Variants in SHROOM2 observed in about 807,000 individuals in gnomAD.
The protein encoded by SHROOM2 is shroom family member 2, also known as protein Shroom2.
In SHROOM2, 33 loss-of-function variants were observed where a neutral mutation model predicts 75.9. The ratio of observed to expected loss-of-function variants is 0.43; its 90% CI spans 0.33 to 0.58. The LOEUF (loss-of-function observed/expected upper bound fraction) is 0.58, where lower values mean the gene tolerates loss of function less well. Among genes scored for constraint, SHROOM2 ranks in the 20% least tolerant of loss-of-function variants. The pLI, the probability that SHROOM2 is intolerant of heterozygous loss-of-function variation, is 0.04. For missense variants in SHROOM2, 1,434 were observed against 1,461.2 expected (o/e 0.98, Z 0.30); for synonymous variants, 655 against 663.6 (o/e 0.99, Z 0.20).
intron 5 of SHROOM2, among the ~76,000 whole-genome samples, chrX:9,924,964 T>A (rs1172031517): frequency 1.8e-5 from 2 of 111,236 alleles, no homozygotes; most frequent in Non-Finnish European, 3.8e-5. Flanking sequence ...CCTGGTAAAT[T>A]GGTATGTCTA....
At chrX:9,844,163 G>A (rs1260446690) in intron 1 of SHROOM2, among the ~76,000 whole-genome samples, 1 of 111,972 alleles carries the variant, frequency 8.9e-6, no homozygotes, top group Non-Finnish European at 1.9e-5. Flanking sequence ...GGTCTGCTGA[G>A]TATGTCCTGT....
At chrX:9,805,138 C>T (rs1438869403) in intron 1 of SHROOM2, among the ~76,000 whole-genome samples, 3 of 110,226 alleles carry the variant, frequency 2.7e-5, no homozygotes, top group Non-Finnish European at 5.7e-5. Context: ...AATCTCACTC[C>T]GGAGGCTGAG....
Position 9,896,317 on chromosome X carries a change from A to G in SHROOM2, c.2409A>G (p.Glu803=). The change falls in exon 4 of 10, where the codon GAA becomes GAG. Residue 803 remains glutamate (E), a synonymous_variant. Transcript: ENST00000380913. ...TFADRWKFFE[E]TSKPVPQRPA... The stretch of plus-strand genomic sequence containing the variant: ...CTGACAGGTGGAAGTTTTTTGAGGA[A>G]ACGAGCAAACCTGTTCCCCAGAGGC... 8.3e-7 allele frequency: 1 copy of G among 1,211,896 alleles called. No homozygotes were observed. The highest frequency in any genetic ancestry group is 1.1e-6 in the Non-Finnish European group (1 of 895,481).
At chrX:9,860,571 G>A (rs754823281) in intron 1 of SHROOM2, among the ~76,000 whole-genome samples, 2 of 111,523 alleles carry the variant, frequency 1.8e-5, no homozygotes, top group South Asian at 3.8e-4. Flanking sequence ...TTATAGGCAT[G>A]TGCCACCATG....
chrX:9,794,189 A>G (rs1472311194), intron 1 of SHROOM2, among the ~76,000 whole-genome samples: 2 of 111,143 alleles, frequency 1.8e-5, no homozygotes, highest in African/African-American at 3.3e-5. Context: ...GGTGGGGGAG[A>G]ACAATTGTTC....
chrX:9,833,241 G>A (rs1052985089), intron 1 of SHROOM2, among the ~76,000 whole-genome samples: 1 of 111,066 alleles, frequency 9.0e-6, no homozygotes, highest in African/African-American at 3.3e-5. Flanking sequence ...TGGAGCGGGC[G>A]TTTTATTACC....
In SHROOM2 at chrX:9,921,543, C is replaced by T. The variant is rs145800415; in HGVS notation, c.2892-10632C>T. Among the ~76,000 whole-genome samples the T allele has an allele frequency of 4.4e-4, 42 of 95,082 alleles. 1 individual carries two copies. Among genetic ancestry groups the T allele is most frequent in the East Asian group, 2.6e-3 (7 of 2,656 alleles). The allele number at this position is 95,082 out of a possible 115,157, so 82.6% of individuals were successfully genotyped here. On this transcript the variant is annotated intron_variant, in intron 5 of 9. Transcript: ENST00000380913. ...ACAGAATTATTAACTACAGACGCTGCGCTGTGCAGTAGGTCTCTGGGTAAT... is the reference window on the plus strand; with the variant it reads ...ACAGAATTATTAACTACAGACGCTGTGCTGTGCAGTAGGTCTCTGGGTAAT...
At chrX:9,823,505 T>G (rs941242888) in intron 1 of SHROOM2, among the ~76,000 whole-genome samples, 25 of 110,552 alleles carry the variant, frequency 2.3e-4, no homozygotes, top group Non-Finnish European at 4.3e-4. Context: ...CAATTTCATG[T>G]TATTCTTAAA....
At chrX:9,854,375 G>T (rs1490289398) in intron 1 of SHROOM2, among the ~76,000 whole-genome samples, 2 of 111,758 alleles carry the variant, frequency 1.8e-5, no homozygotes, top group African/African-American at 6.5e-5. Context: ...CTCTGGGTTG[G>T]ATAGCGGGAG....
Position 9,786,666 on chromosome X carries a change from C to T in SHROOM2, c.121C>T (p.Leu41=). 5 of 889,343 alleles carry T rather than the reference C, an allele frequency of 5.6e-6. 1 individual carries two copies. The highest frequency in any genetic ancestry group is 2.1e-5 in the African/African-American group (1 of 47,495). The allele number at this position is 889,343 out of a possible 1,213,427, so 73.3% of individuals were successfully genotyped here. A position where few individuals can be genotyped will look rare whatever the true frequency, so the allele number is the denominator to read the frequency against. Residue 41 remains leucine (L), a synonymous_variant, in exon 1 of 10, where the codon CTG becomes TTG. Coordinates refer to ENST00000380913, the MANE Select transcript of SHROOM2 (RefSeq NM_001649.4). ...LSGGAPWGFT[L]KGGREHGEPL... ...CGGCGGCGCCCCGTGGGGCTTCACC[C>T]TGAAGGGCGGCCGCGAGCACGGCGA...
intron 1 of SHROOM2, among the ~76,000 whole-genome samples, chrX:9,809,687 G>C (rs764613782): frequency 1.8e-5 from 2 of 112,124 alleles, no homozygotes; most frequent in Non-Finnish European, 3.8e-5. Flanking sequence ...ATCTTTTTTT[G>C]AGACAGAGTC....
In SHROOM2 at chrX:9,830,634, T is replaced by C. The variant is rs751481649; in HGVS notation, c.166-43018T>C. Reference sequence around the variant, plus strand: ...TTTTTTTTTTGAGACAGAGTTTCACTCTAGTTGCCCAGGCTGGAGTGCAAT... The same window carrying C: ...TTTTTTTTTTGAGACAGAGTTTCACCCTAGTTGCCCAGGCTGGAGTGCAAT... On this transcript the variant is annotated intron_variant, in intron 1 of 9. Transcript: ENST00000380913. Among the ~76,000 whole-genome samples the C allele has an allele frequency of 3.3e-5, 3 of 90,393 alleles. No individual in the cohort carries two copies. In the Admixed American group the frequency reaches 3.8e-4, roughly 11 times the overall value. 78.5% of individuals were successfully genotyped at this position (90,393 alleles called of 115,157 possible). A position where few individuals can be genotyped will look rare whatever the true frequency, so the allele number is the denominator to read the frequency against.
In SHROOM2 at chrX:9,939,286, A is replaced by G. The variant is rs751491595; in HGVS notation, c.4231A>G (p.Lys1411Glu). The G allele has an allele frequency of 1.7e-6, 2 of 1,210,448 alleles. No homozygotes were observed. Among genetic ancestry groups the G allele is most frequent in the Non-Finnish European group, 2.2e-6 (2 of 894,674 alleles). Residue 1411 changes from lysine to glutamate, a missense_variant, in exon 8 of 10, where the codon AAG (lysine) becomes GAG (glutamate). This residue lies in a region of SHROOM2 where 1,340 missense variants were observed against 1,338.3 expected (regional missense o/e 1.00). Coordinates refer to ENST00000380913, the MANE Select transcript of SHROOM2 (RefSeq NM_001649.4). ...GGCCCCCAAGGCGGAGCTGCTGATC[A>G]AGATGAAGGACCTGCAGGAGCAGCA... ...TSAPKAELLI[K>E]MKDLQEQQEH...
intron 1 of SHROOM2, chrX:9,818,750 A>G: frequency 2.1e-6 from 1 of 465,306 alleles, no homozygotes; most frequent in South Asian, 3.0e-5. Flanking sequence ...TTGTCACATA[A>G]ATCAATGATA....
chrX:9,801,416 TCTG>T (rs2083723511), intron 1 of SHROOM2, among the ~76,000 whole-genome samples: 1 of 112,008 alleles, frequency 8.9e-6, no homozygotes, highest in African/African-American at 3.2e-5. Flanking sequence ...GGCCTCATCT[TCTG>T]CTGTTACCCA....
At chrX:9,786,826 C>A in intron 1 of SHROOM2, 116 bp downstream of exon 1, 1 of 558,819 alleles carries the variant, frequency 1.8e-6, no homozygotes. Flanking sequence ...CTGGCGCGCG[C>A]GTCTGCTGGG....
rs148751014 is a variant in SHROOM2 at position 9,943,412 on chromosome X, A to G, written c.4312-1229A>G. 4.5e-3 allele frequency among the ~76,000 whole-genome samples: 504 copies of G among 110,853 alleles called. 3 individuals are homozygous for G. The highest frequency in any genetic ancestry group is 0.016 in the African/African-American group (481 of 30,473). On this transcript the variant is annotated intron_variant, in intron 8 of 9. Transcript: ENST00000380913. ...TATGGAATCAGGGCACGACCACTTGAAGCCAGGAGTTTGAGGCTGTAGTGC... is the reference window on the plus strand; with the variant it reads ...TATGGAATCAGGGCACGACCACTTGGAGCCAGGAGTTTGAGGCTGTAGTGC...
intron 5 of SHROOM2, among the ~76,000 whole-genome samples, chrX:9,909,805 A>C (rs183443931): frequency 2.7e-5 from 3 of 112,554 alleles, no homozygotes; most frequent in Non-Finnish European, 5.6e-5. Context: ...TAAAACACCT[A>C]AGATTATATG....
chrX:9,875,482 T>C (rs143982343), intron 2 of SHROOM2, among the ~76,000 whole-genome samples: 1,295 of 111,636 alleles, frequency 0.012, 19 homozygotes, highest in African/African-American at 0.04. Flanking sequence ...TTTTCTTCTG[T>C]CTCCTGTACT....
Sources: gnomAD v4.1 joint callset for allele counts (sites outside exome capture counted in the v4.1 genomes callset) on GRCh38, gnomAD v4.1.1 for gene constraint, gnomAD v4.1.1 regional missense constraint, MANE v1.5 for transcripts, NCBI Gene and HGNC (gene_info 2026-07-23, HGNC 2026-07-21) for gene names.